Variants in KSR2 observed in about 807,000 individuals in gnomAD.
The protein encoded by KSR2 is kinase suppressor of ras 2.
KSR2 carries 25 observed loss-of-function variants against 107.8 expected under a neutral mutation model. That is an observed-to-expected ratio of 0.23 (90% CI 0.17 to 0.32). The LOEUF (loss-of-function observed/expected upper bound fraction) is 0.32. KSR2 is among the 10% of genes least tolerant of loss of function. KSR2 has a pLI of 1.00. For synonymous variants in KSR2, 480 were observed against 507.0 expected (o/e 0.95, Z 0.71); for missense variants, 887 against 1,268.9 (o/e 0.70, Z 4.57).
chr12:117,545,969 C>T (rs1362431836), intron 9 of KSR2, among the ~76,000 whole-genome samples: 1 of 152,116 alleles, frequency 6.6e-6, no homozygotes, highest in Non-Finnish European at 1.5e-5. Context: ...AGAACCACAT[C>T]AGAAAGTGTT....
chr12:117,600,030 A>G (rs1227781614), intron 5 of KSR2, among the ~76,000 whole-genome samples: 1 of 152,170 alleles, frequency 6.6e-6, no homozygotes, highest in East Asian at 1.9e-4. Context: ...CAAATGGCTC[A>G]TTGTCTTCTT....
chr12:117,527,352 C>G (rs7309204), intron 12 of KSR2, among the ~76,000 whole-genome samples: 78,424 of 143,958 alleles, frequency 0.54, 21,450 homozygotes, highest in African/African-American at 0.68. Context: ...CACACAGACA[C>G]ACACACACAC....
At chr12:117,682,817 T>C (rs1885424242) in intron 4 of KSR2, among the ~76,000 whole-genome samples, 1 of 151,868 alleles carries the variant, frequency 6.6e-6, no homozygotes, top group African/African-American at 2.4e-5. Context: ...AAGAATGGAA[T>C]TGGGGGATCT....
At chr12:117,857,427 C>T (rs1003501062) in intron 2 of KSR2, among the ~76,000 whole-genome samples, 3 of 152,132 alleles carry the variant, frequency 2.0e-5, no homozygotes, top group African/African-American at 7.2e-5. Flanking sequence ...GGATTCTCCT[C>T]TTTGCTTCAG....
chr12:117,840,963 C>T (rs754512438), intron 3 of KSR2, among the ~76,000 whole-genome samples: 22 of 151,064 alleles, frequency 1.5e-4, no homozygotes, highest in Non-Finnish European at 2.8e-4. Flanking sequence ...GATTAAGCCG[C>T]TGCAATCTAG....
chr12:117,958,545 G>T (rs575279513), intron 1 of KSR2, among the ~76,000 whole-genome samples: 1 of 152,140 alleles, frequency 6.6e-6, no homozygotes, highest in Non-Finnish European at 1.5e-5. Flanking sequence ...TGGGGGCCGG[G>T]CATGGTGGCT....
intron 1 of KSR2, among the ~76,000 whole-genome samples, chr12:117,919,260 C>A (rs1895274928): frequency 6.6e-6 from 1 of 152,236 alleles, no homozygotes; most frequent in Non-Finnish European, 1.5e-5. Flanking sequence ...AGTCCGAGAG[C>A]CCCTAGGCTG....
chr12:117,641,254 G>A (rs538619550), intron 5 of KSR2, among the ~76,000 whole-genome samples: 28 of 152,184 alleles, frequency 1.8e-4, no homozygotes, highest in African/African-American at 2.9e-4. Context: ...GTGCCACCAC[G>A]CCCAGCTAAT....
chr12:117,643,764 T>C (rs1883487499), intron 5 of KSR2, among the ~76,000 whole-genome samples: 1 of 152,136 alleles, frequency 6.6e-6, no homozygotes, highest in Non-Finnish European at 1.5e-5. Flanking sequence ...GATCAGCAGG[T>C]ATAAGATGGG....
At position 117,793,658 on chromosome 12, in the gene KSR2, GCA is replaced by G. The variant is rs560096934; in HGVS notation, c.473-32136_473-32135del. ...ATCCCATGCACATATACACCAATAT[GCA>G]CACATACAACATGCACACACCAACA... On this transcript the variant is annotated intron_variant, in intron 3 of 19. Transcript: ENST00000339824. Among the ~76,000 whole-genome samples, 20 of 133,884 alleles carry G rather than the reference GCA, an allele frequency of 1.5e-4. No individual in the cohort carries two copies. In the South Asian group the frequency reaches 4.4e-3, roughly 29 times the overall value. 87.8% of individuals were successfully genotyped at this position (133,884 alleles called of 152,430 possible).
At chr12:117,659,098 A>G (rs1884313487) in intron 5 of KSR2, among the ~76,000 whole-genome samples, 1 of 152,192 alleles carries the variant, frequency 6.6e-6, no homozygotes, top group Non-Finnish European at 1.5e-5. Flanking sequence ...GGACAAAGGC[A>G]GGATCGATCA....
chr12:117,678,175 T>A (rs11068621), intron 4 of KSR2, among the ~76,000 whole-genome samples: 23 of 149,106 alleles, frequency 1.5e-4, no homozygotes, highest in Non-Finnish European at 2.5e-4. Context: ...GGTCTTGAAC[T>A]CCTGTCCTCA....
At chr12:117,683,807 T>A (rs1885463261) in intron 4 of KSR2, among the ~76,000 whole-genome samples, 1 of 152,202 alleles carries the variant, frequency 6.6e-6, no homozygotes, top group African/African-American at 2.4e-5. Context: ...GGTTGCCAAA[T>A]CTTTTCTGCA....
At chr12:117,890,742 T>C (rs925171171) in intron 1 of KSR2, 11 of 152,228 alleles carry the variant, frequency 7.2e-5, no homozygotes, top group Non-Finnish European at 1.6e-4. Context: ...TTCTTCCCAC[T>C]TAGATGCACC....
chr12:117,515,011 G>T (rs1392981669), intron 14 of KSR2, among the ~76,000 whole-genome samples: 2 of 152,048 alleles, frequency 1.3e-5, no homozygotes, highest in African/African-American at 4.8e-5. Context: ...TAATTACTTG[G>T]TTGGATAAGG....
At chr12:117,487,460 C>A (rs1163620990) in intron 14 of KSR2, among the ~76,000 whole-genome samples, 1 of 152,230 alleles carries the variant, frequency 6.6e-6, no homozygotes, top group Non-Finnish European at 1.5e-5. Flanking sequence ...AGGGCTGACC[C>A]TGCATCCCCC....
At chr12:117,800,541 C>T (rs543082058) in intron 3 of KSR2, among the ~76,000 whole-genome samples, 9 of 152,228 alleles carry the variant, frequency 5.9e-5, no homozygotes, top group African/African-American at 1.4e-4. Context: ...TCTCACATTG[C>T]TATTAAGAAA....
intron 14 of KSR2, among the ~76,000 whole-genome samples, chr12:117,500,763 G>A (rs1873329760): frequency 6.6e-6 from 1 of 152,222 alleles, no homozygotes; most frequent in African/African-American, 2.4e-5. Flanking sequence ...AGGAAGTAGT[G>A]GCTCAAGAGA....
At chr12:117,926,531 G>C (rs927536981) in intron 1 of KSR2, among the ~76,000 whole-genome samples, 1 of 152,214 alleles carries the variant, frequency 6.6e-6, no homozygotes, top group African/African-American at 2.4e-5. Context: ...TCTCTCTCTG[G>C]AGGGACTCTG....
Sources: allele counts gnomAD v4.1 joint callset (sites outside exome capture counted in the v4.1 genomes callset), GRCh38; gene constraint gnomAD v4.1.1; transcripts MANE v1.5; gene names NCBI Gene and HGNC (gene_info 2026-07-23, HGNC 2026-07-21).